Variants in ING4 observed in about 807,000 individuals in gnomAD.
The protein encoded by ING4 is inhibitor of growth protein 4.
ING4 carries 28 observed loss-of-function variants against 33.1 expected under a neutral mutation model. That is an observed-to-expected ratio of 0.85 (90% CI 0.63 to 1.16). The LOEUF is 1.16. ING4 is among the 50% of genes most tolerant of loss of function. ING4 has a pLI of 0.00. For missense variants in ING4, 247 were observed against 314.7 expected (o/e 0.78, Z 1.63); for synonymous variants, 87 against 104.4 (o/e 0.83, Z 1.02).
At chr12:6,661,419 T>C (rs1171564660) in intron 1 of ING4, among the ~76,000 whole-genome samples, 2 of 145,888 alleles carry the variant, frequency 1.4e-5, no homozygotes, top group Non-Finnish European at 3.0e-5. Flanking sequence ...TTTTTTTTTT[T>C]TTTTTTTTTT....
In ING4 at chr12:6,653,703, T is replaced by C. The variant is rs547344500; in HGVS notation, c.110-307A>G. 8.2e-4 allele frequency among the ~76,000 whole-genome samples: 125 copies of C among 152,354 alleles called. 4 individuals carry two copies. The South Asian group carries it at 0.025, about 31-fold the overall frequency. ...GTGTATTTTTGTCCATGTTTGAAGA[T>C]GCTTCTTTGAAGGGCTTGCTGCTTC... On this transcript the variant is annotated intron_variant, in intron 2 of 7. Transcript: ENST00000341550.
Position 6,653,317 on chromosome 12 carries a change from G to C in ING4, c.189C>G (p.Ala63=). The part of the protein sequence containing the change: ...ARSLSSEEKL[A]LLKQIQEAYG... ...AGGCTTCCTGGATCTGTTTGAGAAGGGCCAATTTTTCCTCGGAGCTCAGGC... is the reference window on the plus strand; with the variant it reads ...AGGCTTCCTGGATCTGTTTGAGAAGCGCCAATTTTTCCTCGGAGCTCAGGC... The change falls in exon 3 of 8, where the codon GCC becomes GCG. Residue 63 remains alanine (A), a synonymous_variant. Coordinates refer to ENST00000341550, the MANE Select transcript of ING4 (RefSeq NM_016162.4). 6.2e-7 allele frequency: 1 copy of C among 1,614,114 alleles called. No homozygotes were observed. The highest frequency in any genetic ancestry group is 8.5e-7 in the Non-Finnish European group (1 of 1,180,028).
rs143542983 is a variant in ING4 at position 6,652,151 on chromosome 12, C to T, written c.645+120G>A. On this transcript the variant is annotated intron_variant, in intron 6 of 7. Coordinates refer to ENST00000341550, the MANE Select transcript of ING4 (RefSeq NM_016162.4). ...CTGGGATTTCAGGCAAGAGCTACTA[C>T]GTCCAGCCCATCTTTCTTCTATTCT... The T allele has an allele frequency of 1.6e-3, 2,019 of 1,240,142 alleles. 5 individuals carry two copies. Among genetic ancestry groups the T allele is most frequent in the Non-Finnish European group, 1.5e-3 (1,375 of 890,124 alleles). The allele number at this position is 1,240,142 out of a possible 1,614,324, so 76.8% of individuals were successfully genotyped here.
chr12:6,653,208 G>A (rs757205535), intron 3 of ING4, 22 bp downstream of exon 3: 10 of 1,612,872 alleles, frequency 6.2e-6, no homozygotes, highest in Non-Finnish European at 8.5e-6. Context: ...AAGTAGGTGG[G>A]GAGCCATGAA....
chr12:6,656,072 T>C (rs2136273366), intron 2 of ING4, among the ~76,000 whole-genome samples: 1 of 152,264 alleles, frequency 6.6e-6, no homozygotes, highest in South Asian at 2.1e-4. Flanking sequence ...TTTGTGACAG[T>C]AACATTAACA....
intron 1 of ING4, among the ~76,000 whole-genome samples, chr12:6,662,772 G>C (rs749540146): frequency 6.6e-6 from 1 of 152,030 alleles, no homozygotes; most frequent in Non-Finnish European, 1.5e-5. Context: ...ATCTACCGAG[G>C]CTGGAGACCC....
At chr12:6,662,962 A>G (rs1213788243) in intron 1 of ING4, 103 bp downstream of exon 1, 3 of 1,286,936 alleles carry the variant, frequency 2.3e-6, no homozygotes, top group South Asian at 2.5e-5. Flanking sequence ...CCGCTTCATA[A>G]TTGTGACCTT....
intron 1 of ING4, among the ~76,000 whole-genome samples, chr12:6,659,804 C>A (rs370725040): frequency 1.4e-5 from 2 of 143,776 alleles, no homozygotes; most frequent in African/African-American, 5.3e-5. Context: ...CAGAGCGAGA[C>A]TCTGTCTCAA....
intron 2 of ING4, chr12:6,655,773 T>A (rs1338513573): frequency 6.6e-6 from 3 of 456,470 alleles, no homozygotes; most frequent in Non-Finnish European, 1.3e-5. Context: ...TGAACATGGC[T>A]ACATAGAATG....
At position 6,651,251 on chromosome 12, in the gene ING4, G is replaced by C. The variant is rs777403717; in HGVS notation, c.708-17C>G. 6.2e-7 allele frequency: 1 copy of C among 1,614,176 alleles called. No individual in the cohort carries two copies. The highest frequency in any genetic ancestry group is 8.5e-7 in the Non-Finnish European group (1 of 1,179,994). ...GGGCAAAACCTGAAACAGAGAAGGG[G>C]AGAGAAAAGTGAGTGAAAGGGAGAA... is the stretch of plus-strand genomic sequence containing the variant. On this transcript the variant is annotated splice_polypyrimidine_tract_variant and intron_variant, in intron 7 of 7. Coordinates refer to ENST00000341550, the MANE Select transcript of ING4 (RefSeq NM_016162.4).
At chr12:6,653,902 G>A (rs530818654) in intron 2 of ING4, among the ~76,000 whole-genome samples, 51 of 152,140 alleles carry the variant, frequency 3.4e-4, no homozygotes, top group African/African-American at 5.1e-4. Flanking sequence ...TCACTTTGTC[G>A]CCCAGGCTGG....
At chr12:6,653,738 G>T (rs897628142) in intron 2 of ING4, among the ~76,000 whole-genome samples, 2 of 152,150 alleles carry the variant, frequency 1.3e-5, no homozygotes, top group African/African-American at 4.8e-5. Flanking sequence ...CTTGAATTTT[G>T]TCTCAAAAGC....
At chr12:6,651,436 G>C (rs934587481) in intron 6 of ING4, 51 bp from the exon 7 acceptor site, 29 of 1,482,068 alleles carry the variant, frequency 2.0e-5, no homozygotes, top group Non-Finnish European at 2.4e-5. Context: ...CCAGAGGAAG[G>C]AGAGAAAGCC....
chr12:6,662,329 G>A (rs1949581711), intron 1 of ING4, among the ~76,000 whole-genome samples: 2 of 152,026 alleles, frequency 1.3e-5, no homozygotes, highest in South Asian at 4.1e-4. Flanking sequence ...ACTTGTCACA[G>A]TGTTTTATAA....
At chr12:6,652,470 C>G (rs756630558) in intron 5 of ING4, 52 bp from the exon 6 acceptor site, 11 of 1,593,522 alleles carry the variant, frequency 6.9e-6, no homozygotes, top group Admixed American at 1.7e-5. Flanking sequence ...GAAGCTAAAG[C>G]CTGAGGCTTT....
intron 1 of ING4, among the ~76,000 whole-genome samples, chr12:6,659,584 G>A (rs935061117): frequency 7.9e-5 from 12 of 152,080 alleles, no homozygotes; most frequent in Non-Finnish European, 1.5e-5. Flanking sequence ...TGGCCGAGGA[G>A]AGCAGATTAC....
At chr12:6,661,983 G>A (rs1280438164) in intron 1 of ING4, among the ~76,000 whole-genome samples, 2 of 151,996 alleles carry the variant, frequency 1.3e-5, no homozygotes, top group African/African-American at 4.8e-5. Flanking sequence ...AAACTTCTTC[G>A]TTTGGCTTAA....
intron 1 of ING4, among the ~76,000 whole-genome samples, chr12:6,658,094 G>A (rs1949430043): frequency 6.6e-6 from 1 of 151,488 alleles, no homozygotes; most frequent in African/African-American, 2.4e-5. Context: ...GGAGTAGCTG[G>A]GACCACAGGC....
rs377231817 is a variant in ING4 at position 6,652,432 on chromosome 12, G to A, written c.498-14C>T. The A allele has an allele frequency of 2.5e-6, 4 of 1,612,794 alleles. No individual in the cohort carries two copies. Among genetic ancestry groups the A allele is most frequent in the Middle Eastern group, 3.3e-4 (2 of 6,052 alleles). ...TACTCAGGACTTCTGCATGCCAAGA[G>A]GAAGAGAAAGTGTCATCTACAGGAA... On this transcript the variant is annotated splice_polypyrimidine_tract_variant and intron_variant, in intron 5 of 7. Coordinates refer to ENST00000341550, the MANE Select transcript of ING4 (RefSeq NM_016162.4).
Sources: allele counts gnomAD v4.1 joint callset (sites outside exome capture counted in the v4.1 genomes callset), GRCh38; gene constraint gnomAD v4.1.1; transcripts MANE v1.5; gene names NCBI Gene and HGNC (gene_info 2026-07-23, HGNC 2026-07-21).